IFT88: variants seen among roughly 807,000 people sequenced by gnomAD.
IFT88 encodes the protein intraflagellar transport 88.
Under a neutral mutation model 119.5 loss-of-function variants are expected in IFT88, and 74 were observed. That is an observed-to-expected ratio of 0.62 (90% CI 0.51 to 0.75). The LOEUF (loss-of-function observed/expected upper bound fraction) is 0.75. IFT88 is among the 30% of genes least tolerant of loss of function. The pLI is 0.00. For missense variants in IFT88, 961 were observed against 977.7 expected (o/e 0.98, Z 0.23); for synonymous variants, 279 against 316.7 (o/e 0.88, Z 1.26).
intron 14 of IFT88, among the ~76,000 whole-genome samples, chr13:20,619,903 G>A (rs1044639864): frequency 3.9e-5 from 6 of 151,976 alleles, no homozygotes; most frequent in South Asian, 2.1e-4. Flanking sequence ...TTTCATTTTA[G>A]CCAGCCATAC....
At chr13:20,663,201 C>G (rs1372725896) in intron 22 of IFT88, 3 of 1,311,552 alleles carry the variant, frequency 2.3e-6, no homozygotes, top group Admixed American at 2.6e-5. Flanking sequence ...AGAACATTAA[C>G]AAATGTTACA....
chr13:20,649,277 A>G (rs868499209), intron 20 of IFT88, among the ~76,000 whole-genome samples: 1 of 152,198 alleles, frequency 6.6e-6, no homozygotes, highest in African/African-American at 2.4e-5. Flanking sequence ...AACTTAATAA[A>G]TTGAAAAGAT....
At chr13:20,589,341 T>C (rs1468506414) in intron 3 of IFT88, among the ~76,000 whole-genome samples, 2 of 152,210 alleles carry the variant, frequency 1.3e-5, no homozygotes, top group Non-Finnish European at 2.9e-5. Flanking sequence ...TGATTCTAAC[T>C]ACAATTTTGT....
intron 23 of IFT88, among the ~76,000 whole-genome samples, chr13:20,670,210 TATAAAC>T (rs2055559499): frequency 6.6e-6 from 1 of 152,244 alleles, no homozygotes; most frequent in African/African-American, 2.4e-5. Flanking sequence ...TTAATTCAAT[TATAAAC>T]ATAAAAAGCC....
At chr13:20,577,759 T>A (rs1484585773) in intron 2 of IFT88, among the ~76,000 whole-genome samples, 1 of 152,178 alleles carries the variant, frequency 6.6e-6, no homozygotes, top group Non-Finnish European at 1.5e-5. Flanking sequence ...GGTTTGCTAG[T>A]GTTTTATTGA....
At chr13:20,637,643 A>G (rs1214364682) in intron 16 of IFT88, among the ~76,000 whole-genome samples, 1 of 152,298 alleles carries the variant, frequency 6.6e-6, no homozygotes, top group South Asian at 2.1e-4. Flanking sequence ...ACCCATGGAC[A>G]CTTCTGTGTC....
intron 16 of IFT88, among the ~76,000 whole-genome samples, chr13:20,634,447 G>A (rs537991169): frequency 6.6e-6 from 1 of 152,286 alleles, no homozygotes; most frequent in African/African-American, 2.4e-5. Flanking sequence ...GCTCATGCCT[G>A]TAATCCCAGC....
chr13:20,618,016 C>T (rs1266259484), intron 14 of IFT88, among the ~76,000 whole-genome samples: 2 of 152,158 alleles, frequency 1.3e-5, no homozygotes, highest in African/African-American at 2.4e-5. Flanking sequence ...GAACTCCTGA[C>T]CTCAAGTGAT....
chr13:20,591,667 A>G lies in IFT88; in HGVS notation c.314A>G (p.Lys105Arg), dbSNP rs766522220. Residue 105 changes from lysine to arginine, a missense_variant, in exon 6 of 26, where the codon AAA (lysine) becomes AGA (arginine). By Grantham distance (26) the Lys-to-Arg change is conservative. Coordinates refer to ENST00000351808, the MANE Select transcript of IFT88 (RefSeq NM_006531.5). ...GCAGTGAGAGCAGCTGGTTTTACCAAAGCAGCTTTGAGAGGTTTGTTACAC... is the reference window on the plus strand; with the variant it reads ...GCAGTGAGAGCAGCTGGTTTTACCAGAGCAGCTTTGAGAGGTTTGTTACAC... ...MTAVRAAGFT[K>R]AALRGSAFDP... 2.5e-6 allele frequency: 4 copies of G among 1,611,982 alleles called. No individual in the cohort carries two copies. In the East Asian group the frequency reaches 6.7e-5, roughly 27 times the overall value.
intron 1 of IFT88, chr13:20,567,781 G>A (rs1266837536): frequency 1.5e-6 from 2 of 1,335,202 alleles, no homozygotes; most frequent in Non-Finnish European, 1.9e-6. Flanking sequence ...TTCCAAAAAC[G>A]TGAAGTACTG....
intron 21 of IFT88, among the ~76,000 whole-genome samples, chr13:20,654,438 G>A (rs992787495): frequency 6.6e-6 from 1 of 152,226 alleles, no homozygotes. Flanking sequence ...CTGAAGGATA[G>A]AGATGCTATT....
intron 23 of IFT88, among the ~76,000 whole-genome samples, chr13:20,666,091 C>A (rs17785377): frequency 0.012 from 1,797 of 152,274 alleles, 18 homozygotes; most frequent in Non-Finnish European, 0.019. Context: ...GAACCGAAAC[C>A]CAATTCTTAG....
intron 4 of IFT88, among the ~76,000 whole-genome samples, chr13:20,590,280 A>G (rs1229980738): frequency 6.6e-6 from 1 of 152,178 alleles, no homozygotes; most frequent in African/African-American, 2.4e-5. Flanking sequence ...TTTGGGTCTT[A>G]TATTAGAAGC....
At chr13:20,606,873 T>C (rs951958811) in intron 13 of IFT88, among the ~76,000 whole-genome samples, 3 of 152,004 alleles carry the variant, frequency 2.0e-5, no homozygotes, top group Non-Finnish European at 4.4e-5. Flanking sequence ...AGAGCAGGAC[T>C]CCATCTCAAA....
chr13:20,581,938 G>C (rs1164138781), intron 2 of IFT88, among the ~76,000 whole-genome samples: 1 of 151,578 alleles, frequency 6.6e-6, no homozygotes, highest in Non-Finnish European at 1.5e-5. Flanking sequence ...CACTGTATTA[G>C]CATCCTGGTA....
intron 15 of IFT88, among the ~76,000 whole-genome samples, chr13:20,630,185 A>C (rs2047978613): frequency 6.6e-6 from 1 of 152,018 alleles, no homozygotes; most frequent in Non-Finnish European, 1.5e-5. Flanking sequence ...TTTCTATTAG[A>C]CCTTTTCATT....
At chr13:20,628,921 A>C (rs2047758548) in intron 15 of IFT88, among the ~76,000 whole-genome samples, 1 of 152,192 alleles carries the variant, frequency 6.6e-6, no homozygotes, top group Non-Finnish European at 1.5e-5. Flanking sequence ...TCAAAATTTA[A>C]AAATTTAACA....
chr13:20,595,164 T>G (rs1226079793), intron 7 of IFT88, among the ~76,000 whole-genome samples: 1 of 152,218 alleles, frequency 6.6e-6, no homozygotes, highest in Non-Finnish European at 1.5e-5. Context: ...CTCAGGAGGC[T>G]GAGGCAGAAA....
chr13:20,599,896 G>A (rs2042321281), intron 11 of IFT88, among the ~76,000 whole-genome samples: 1 of 152,124 alleles, frequency 6.6e-6, no homozygotes, highest in South Asian at 2.1e-4. Flanking sequence ...TACAAGGCTA[G>A]AAATTAAGCT....
Sources: gnomAD v4.1 joint callset for allele counts (sites outside exome capture counted in the v4.1 genomes callset) on GRCh38, gnomAD v4.1.1 for gene constraint, MANE v1.5 for transcripts, NCBI Gene and HGNC (gene_info 2026-07-23, HGNC 2026-07-21) for gene names.